Variants in LINGO2 observed in about 807,000 individuals in gnomAD.
The protein encoded by LINGO2 is leucine-rich repeat and immunoglobulin-like domain-containing nogo receptor-interacting protein 2.
In LINGO2, 14 loss-of-function variants were observed where a neutral mutation model predicts 30.6. That is an observed-to-expected ratio of 0.46 (90% confidence interval 0.30 to 0.72). The LOEUF is 0.72. Among genes scored for constraint, LINGO2 ranks in the 30% least tolerant of loss-of-function variants. LINGO2 has a pLI of 0.07. For synonymous variants in LINGO2, 317 were observed against 288.5 expected (o/e 1.10, Z -1.00); for missense variants, 729 against 751.7 (o/e 0.97, Z 0.35).
chr9:28,096,334 C>T (rs1826241519), intron 4 of LINGO2, among the ~76,000 whole-genome samples: 2 of 152,148 alleles, frequency 1.3e-5, no homozygotes, highest in South Asian at 4.1e-4. Flanking sequence ...ATTTACACTA[C>T]ATATGTAATT....
the LINGO2 span, among the ~76,000 whole-genome samples, chr9:28,885,996 T>C: frequency 3.3e-5 from 5 of 152,328 alleles, no homozygotes; most frequent in South Asian, 2.1e-4. Flanking sequence ...AGAGTAACTA[T>C]ACAGTTGTTA....
At chr9:28,484,377 C>A (rs188008487) in intron 1 of LINGO2, among the ~76,000 whole-genome samples, 1 of 151,974 alleles carries the variant, frequency 6.6e-6, no homozygotes, top group Admixed American at 6.6e-5. Context: ...GTCATACATC[C>A]GTCCAAGTTT....
intron 3 of LINGO2, among the ~76,000 whole-genome samples, chr9:28,317,035 T>G (rs1195421624): frequency 1.3e-5 from 2 of 152,226 alleles, no homozygotes; most frequent in African/African-American, 4.8e-5. Context: ...TTGAAGAGGT[T>G]AACTCTCTTT....
At chr9:28,727,726 A>G in the LINGO2 span, among the ~76,000 whole-genome samples, 1 of 152,316 alleles carries the variant, frequency 6.6e-6, no homozygotes, top group African/African-American at 2.4e-5. Flanking sequence ...TTTGAAACAT[A>G]GAGTGGGAAG....
intron 2 of LINGO2, among the ~76,000 whole-genome samples, chr9:28,412,302 C>T (rs1270763012): frequency 1.3e-5 from 2 of 151,526 alleles, no homozygotes; most frequent in African/African-American, 4.8e-5. Flanking sequence ...TGATTTTGAG[C>T]ATCTTTTCAT....
chr9:28,044,694 C>A (rs1369254573), intron 4 of LINGO2, among the ~76,000 whole-genome samples: 1 of 151,942 alleles, frequency 6.6e-6, no homozygotes, highest in Non-Finnish European at 1.5e-5. Context: ...AGGGGAGAAT[C>A]CAAACGAGCA....
the LINGO2 span, among the ~76,000 whole-genome samples, chr9:28,992,001 A>G: frequency 6.6e-6 from 1 of 152,206 alleles, no homozygotes; most frequent in South Asian, 2.1e-4. Flanking sequence ...ACAGAAACAA[A>G]TTCACACATA....
rs528546784 is a variant in LINGO2, at chr9:28,415,946, A to T, written c.-278-43078T>A. Among the ~76,000 whole-genome samples, 3 of 152,298 alleles carry T rather than the reference A, an allele frequency of 2.0e-5. No homozygotes were observed. In the South Asian group the frequency reaches 6.2e-4, roughly 32 times the overall value. ...ATTCAGAAAGATCAACAAGTGTTTAACACTATTCAGTTTAGATTTTTGCAG... is the reference window on the plus strand; with the variant it reads ...ATTCAGAAAGATCAACAAGTGTTTATCACTATTCAGTTTAGATTTTTGCAG... On this transcript the variant is annotated intron_variant, in intron 2 of 5. Coordinates refer to ENST00000379992, the Ensembl canonical transcript of LINGO2.
chr9:28,713,412 G>T, the LINGO2 span, among the ~76,000 whole-genome samples: 1 of 152,030 alleles, frequency 6.6e-6, no homozygotes, highest in African/African-American at 2.4e-5. Flanking sequence ...TTTGCCCTCC[G>T]TTTCCCAGCT....
the LINGO2 span, among the ~76,000 whole-genome samples, chr9:28,976,938 C>G: frequency 0.65 from 98,902 of 151,910 alleles, 32,794 homozygotes; most frequent in Non-Finnish European, 0.72. Context: ...GTGGCTAAGG[C>G]TTTAGTGGCA....
chr9:28,453,865 TA>T (rs144060687), intron 2 of LINGO2, among the ~76,000 whole-genome samples: 2,431 of 151,958 alleles, frequency 0.016, 62 homozygotes, highest in African/African-American at 0.055. Context: ...ATTAGTGGTT[TA>T]AAAAAAATCA....
At chr9:28,789,323 T>A in the LINGO2 span, among the ~76,000 whole-genome samples, 1 of 152,212 alleles carries the variant, frequency 6.6e-6, no homozygotes, top group Admixed American at 6.5e-5. Context: ...ATTATCTCAA[T>A]AGTATCTTAT....
At chr9:29,037,950 C>T in the LINGO2 span, among the ~76,000 whole-genome samples, 1 of 151,980 alleles carries the variant, frequency 6.6e-6, no homozygotes, top group Non-Finnish European at 1.5e-5. Context: ...CTCTAAAAAG[C>T]TAATCCATGC....
intron 1 of LINGO2, among the ~76,000 whole-genome samples, chr9:28,576,059 A>G (rs939007656): frequency 6.6e-5 from 10 of 152,188 alleles, no homozygotes; most frequent in Admixed American, 5.2e-4. Context: ...ATTGTAAGTC[A>G]AAATAGATTA....
intron 1 of LINGO2, among the ~76,000 whole-genome samples, chr9:28,486,238 A>C (rs202025423): frequency 1.2e-4 from 19 of 152,108 alleles, no homozygotes; most frequent in African/African-American, 4.3e-4. Flanking sequence ...GTTTGGCCTA[A>C]TTATTTTCTT....
rs144405653 is a variant in LINGO2, at chr9:28,505,652, T to G, written c.-364-29627A>C. Among the ~76,000 whole-genome samples, 548 of 152,022 alleles carry G rather than the reference T, an allele frequency of 3.6e-3. 6 individuals carry two copies. Among genetic ancestry groups the G allele is most frequent in the African/African-American group, 0.013 (524 of 41,534 alleles). ...CCAAGAGTTTACAAACAATAAATAG[T>G]GCATTTACCTTTTCTTATTTGACCC... On this transcript the variant is annotated intron_variant, in intron 1 of 5. Coordinates refer to ENST00000379992, the Ensembl canonical transcript of LINGO2.
At chr9:28,343,038 T>C (rs1819418290) in intron 3 of LINGO2, among the ~76,000 whole-genome samples, 2 of 152,124 alleles carry the variant, frequency 1.3e-5, no homozygotes, top group African/African-American at 2.4e-5. Context: ...TCTGCTCTAA[T>C]CAAAACCCAG....
the LINGO2 span, among the ~76,000 whole-genome samples, chr9:28,892,906 A>C: frequency 6.6e-6 from 1 of 152,046 alleles, no homozygotes. Flanking sequence ...ATTTAATAAA[A>C]ATTCCACTTC....
At chr9:28,260,004 C>T (rs377002123) in intron 4 of LINGO2, among the ~76,000 whole-genome samples, 52 of 151,786 alleles carry the variant, frequency 3.4e-4, no homozygotes, top group African/African-American at 9.7e-4. Context: ...CAATATTGTG[C>T]CCCATGGACA....
Sources: allele counts gnomAD v4.1 joint callset (sites outside exome capture counted in the v4.1 genomes callset), GRCh38; gene constraint gnomAD v4.1.1; transcripts MANE v1.5; gene names NCBI Gene and HGNC (gene_info 2026-07-23, HGNC 2026-07-21).